Variants in WDFY4 observed in about 807,000 individuals in gnomAD.
The protein encoded by WDFY4 is WDFY family member 4, also known as WD repeat- and FYVE domain-containing protein 4.
Under a neutral mutation model 351.9 loss-of-function variants are expected in WDFY4, and 169 were observed. The ratio of observed to expected loss-of-function variants is 0.48; its 90% CI spans 0.42 to 0.55. The LOEUF (loss-of-function observed/expected upper bound fraction) is 0.55. WDFY4 is among the 20% of genes least tolerant of loss of function. WDFY4 has a pLI of 0.00. For missense variants in WDFY4, 3,803 were observed against 3,935.6 expected (o/e 0.97, Z 0.90); for synonymous variants, 1,622 against 1,574.6 (o/e 1.03, Z -0.71).
chr10:48,822,444 C>T lies in WDFY4; in HGVS notation c.5889C>T (p.Cys1963=), dbSNP rs2067856651. The stretch of plus-strand genomic sequence containing the variant: ...CCCCTTCTCTTGCCAACATCTCCTG[C>T]TTCACCCAGAAGCTGGTGGAGAAGC... ...AAAPSLANIS[C]FTQKLVEKLY... The change falls in exon 35 of 62, where the codon TGC becomes TGT. Residue 1963 remains cysteine, a synonymous_variant. Coordinates refer to ENST00000325239, the MANE Select transcript of WDFY4 (RefSeq NM_001394531.1). 6.4e-7 allele frequency: 1 copy of T among 1,551,528 alleles called. No individual in the cohort carries two copies. Among genetic ancestry groups the T allele is most frequent in the Non-Finnish European group, 8.7e-7 (1 of 1,146,790 alleles).
Position 48,970,139 on chromosome 10 carries a change from G to C in WDFY4, c.8778G>C (p.Met2926Ile). Residue 2926 changes from methionine to isoleucine, a missense_variant, in exon 57 of 62, where the codon ATG (methionine) becomes ATC (isoleucine). This residue lies in a region of WDFY4 where 3,054 missense variants were observed against 3,148.6 expected (regional missense o/e 0.97). Coordinates refer to ENST00000325239, the MANE Select transcript of WDFY4 (RefSeq NM_001394531.1). ...LGSYGSDKVL[M>I]TFENLAAWGR... ...CCCCTTATCTCCTACAGGTCCTGAT[G>C]ACATTCGAGAACCTGGCTGCCTGGG... is the stretch of plus-strand genomic sequence containing the variant. The C allele has an allele frequency of 6.4e-7, 1 of 1,551,534 alleles. No homozygotes were observed. The highest frequency in any genetic ancestry group is 8.7e-7 in the Non-Finnish European group (1 of 1,146,978).
chr10:48,866,098 T>C (rs368162845), intron 39 of WDFY4, among the ~76,000 whole-genome samples: 2 of 152,144 alleles, frequency 1.3e-5, no homozygotes, highest in African/African-American at 4.8e-5. Flanking sequence ...TCTGCATTAA[T>C]ATTTATTTTC....
intron 53 of WDFY4, among the ~76,000 whole-genome samples, chr10:48,961,582 A>G (rs935853511): frequency 2.0e-5 from 3 of 152,206 alleles, no homozygotes; most frequent in African/African-American, 7.2e-5. Context: ...AGGTGTGGCC[A>G]TGGGAATGGT....
chr10:48,817,842 G>A (rs1274931690), intron 32 of WDFY4, among the ~76,000 whole-genome samples: 1 of 152,248 alleles, frequency 6.6e-6, no homozygotes, highest in Non-Finnish European at 1.5e-5. Context: ...CATGACTTGT[G>A]TGCCCTTCTA....
At chr10:48,763,835 A>G (rs1335191908) in intron 13 of WDFY4, among the ~76,000 whole-genome samples, 1 of 152,246 alleles carries the variant, frequency 6.6e-6, no homozygotes, top group Non-Finnish European at 1.5e-5. Flanking sequence ...ATCAGCAGCT[A>G]TTAAAGTTGG....
At chr10:48,838,030 A>C (rs896846984) in intron 39 of WDFY4, among the ~76,000 whole-genome samples, 8 of 152,218 alleles carry the variant, frequency 5.3e-5, no homozygotes, top group Non-Finnish European at 8.8e-5. Context: ...GCAAGCTTCC[A>C]GTTGCTGTTT....
At chr10:48,824,337 G>T (rs1336779101) in intron 35 of WDFY4, among the ~76,000 whole-genome samples, 1 of 152,170 alleles carries the variant, frequency 6.6e-6, no homozygotes, top group Non-Finnish European at 1.5e-5. Flanking sequence ...TGTGCAAAAT[G>T]CTTAGCATAA....
intron 18 of WDFY4, among the ~76,000 whole-genome samples, chr10:48,779,076 C>T (rs554915681): frequency 2.0e-5 from 3 of 152,344 alleles, no homozygotes; most frequent in Admixed American, 2.0e-4. Context: ...GGCACAGCTT[C>T]AGAGATGATG....
chr10:48,776,851 T>A lies in WDFY4; in HGVS notation c.2965T>A (p.Ser989Thr). The change falls in exon 16 of 62, where the codon TCC becomes ACC. Residue 989 changes from serine to threonine, a missense_variant. By Grantham distance (58) the Ser-to-Thr change is moderately conservative. Coordinates refer to ENST00000325239, the MANE Select transcript of WDFY4 (RefSeq NM_001394531.1). Reference protein sequence around the residue: ...VTQAPQPLGESQDSTTALQTA... With the variant: ...VTQAPQPLGETQDSTTALQTA... The stretch of plus-strand genomic sequence containing the variant: ...ACAGGCCCCGCAGCCCTTGGGGGAA[T>A]CCCAGGATTCAACTACTGCTCTTCA... 6.4e-7 allele frequency: 1 copy of A among 1,551,748 alleles called. No individual in the cohort carries two copies. Among genetic ancestry groups the A allele is most frequent in the Non-Finnish European group, 8.7e-7 (1 of 1,146,998 alleles).
chr10:48,770,637 T>G (rs774921469), intron 13 of WDFY4, among the ~76,000 whole-genome samples: 5 of 152,058 alleles, frequency 3.3e-5, no homozygotes. Context: ...GAAGAGAGAG[T>G]TGGAGCCTCA....
At chr10:48,913,961 G>A in intron 47 of WDFY4, 1 of 1,614,166 alleles carries the variant, frequency 6.2e-7, no homozygotes. Flanking sequence ...TGGAGTCAGG[G>A]ATCTTCCTGA....
chr10:48,755,353 A>T (rs1387465322), intron 12 of WDFY4, among the ~76,000 whole-genome samples: 1 of 152,154 alleles, frequency 6.6e-6, no homozygotes, highest in Non-Finnish European at 1.5e-5. Context: ...TCTTCCACAG[A>T]TTGAAGGTTT....
At chr10:48,838,124 C>T (rs1304629049) in intron 39 of WDFY4, among the ~76,000 whole-genome samples, 2 of 152,214 alleles carry the variant, frequency 1.3e-5, no homozygotes, top group Non-Finnish European at 2.9e-5. Flanking sequence ...GATGAGAGGG[C>T]ACCAGAAGCG....
intron 14 of WDFY4, 124 bp from the exon 15 acceptor site, chr10:48,775,588 G>C (rs1210915837): frequency 1.2e-6 from 1 of 854,192 alleles, no homozygotes; most frequent in East Asian, 2.7e-5. Flanking sequence ...TTTCAGAAAG[G>C]GTGTTCCAGT....
intron 47 of WDFY4, among the ~76,000 whole-genome samples, chr10:48,915,768 T>C (rs1019694126): frequency 6.6e-6 from 1 of 152,188 alleles, no homozygotes; most frequent in Non-Finnish European, 1.5e-5. Flanking sequence ...CTGGGATAGA[T>C]GGTGGTCTCC....
At chr10:48,756,343 A>G (rs1455868110) in intron 12 of WDFY4, among the ~76,000 whole-genome samples, 1 of 152,056 alleles carries the variant, frequency 6.6e-6, no homozygotes, top group Non-Finnish European at 1.5e-5. Context: ...GAATATGGTT[A>G]ACTTTTGTAT....
At chr10:48,797,597 T>C (rs2066918193) in intron 24 of WDFY4, among the ~76,000 whole-genome samples, 1 of 143,894 alleles carries the variant, frequency 6.9e-6, no homozygotes, top group Non-Finnish European at 1.5e-5. Flanking sequence ...AACATTTTCA[T>C]TACAAACACA....
intron 13 of WDFY4, among the ~76,000 whole-genome samples, chr10:48,773,630 A>C (rs1363571093): frequency 6.6e-6 from 1 of 152,226 alleles, no homozygotes; most frequent in Non-Finnish European, 1.5e-5. Context: ...TTAAGATAAG[A>C]GCACAGCTAT....
chr10:48,913,337 C>A, intron 47 of WDFY4: 1 of 1,543,166 alleles, frequency 6.5e-7, no homozygotes, highest in Non-Finnish European at 8.8e-7. Flanking sequence ...TAGCCCACTG[C>A]CCTCTTCCCT....
Sources: allele counts gnomAD v4.1 joint callset (sites outside exome capture counted in the v4.1 genomes callset), GRCh38; gene constraint gnomAD v4.1.1; regional missense constraint gnomAD v4.1.1; transcripts MANE v1.5; gene names NCBI Gene and HGNC (gene_info 2026-07-23, HGNC 2026-07-21).